SLC22A16: variants seen among roughly 807,000 people sequenced by gnomAD.
The protein encoded by SLC22A16 is solute carrier family 22 member 16.
Under a neutral mutation model 52.9 loss-of-function variants are expected in SLC22A16, and 53 were observed. The observed-to-expected ratio is 1.00, with a 90% CI of 0.80 to 1.26. SLC22A16 has a LOEUF of 1.26. SLC22A16 is among the 50% of genes most tolerant of loss of function. SLC22A16 has a pLI of 0.00. For synonymous variants in SLC22A16, 291 were observed against 268.8 expected (o/e 1.08, Z -0.81); for missense variants, 726 against 704.0 (o/e 1.03, Z -0.35).
intron 4 of SLC22A16, among the ~76,000 whole-genome samples, chr6:110,439,493 T>C (rs74700582): frequency 0.013 from 2,036 of 151,656 alleles, 36 homozygotes; most frequent in African/African-American, 0.048. Context: ...TTAGTTTGCT[T>C]CAAAAAAAAG....
chr6:110,450,300 C>T (rs184162071), intron 2 of SLC22A16, among the ~76,000 whole-genome samples: 32 of 152,192 alleles, frequency 2.1e-4, no homozygotes, highest in South Asian at 1.0e-3. Context: ...TCCATAAATG[C>T]GAGTTTTTAT....
At chr6:110,438,889 A>C in intron 4 of SLC22A16, 42 bp from the exon 5 acceptor site, 1 of 1,608,216 alleles carries the variant, frequency 6.2e-7, no homozygotes, top group Non-Finnish European at 8.5e-7. Context: ...TAGGTACCCG[A>C]CTGCAAAAGG....
intron 4 of SLC22A16, among the ~76,000 whole-genome samples, chr6:110,441,390 T>A (rs997855086): frequency 1.3e-5 from 2 of 152,138 alleles, no homozygotes; most frequent in African/African-American, 4.8e-5. Context: ...GGGATCAAGA[T>A]CCTGAAGGAT....
At chr6:110,436,531 C>T (rs1774738227) in intron 5 of SLC22A16, among the ~76,000 whole-genome samples, 1 of 152,086 alleles carries the variant, frequency 6.6e-6, no homozygotes, top group Non-Finnish European at 1.5e-5. Context: ...GAAGCTAAGG[C>T]AGGAGGATCA....
At chr6:110,453,866 T>C (rs902512827) in intron 2 of SLC22A16, among the ~76,000 whole-genome samples, 6 of 152,142 alleles carry the variant, frequency 3.9e-5, no homozygotes, top group Non-Finnish European at 8.8e-5. Flanking sequence ...TCATGCTACA[T>C]TACAACATGG....
Position 110,435,840 on chromosome 6 carries a change from A to G in SLC22A16, c.1421+12T>C, listed in dbSNP as rs1774702437. ...ATAATAGGAAAACAACCAGAAAACA[A>G]TTCATCCTTACCTTACAATGGTTGG... is the stretch of plus-strand genomic sequence containing the variant. On this transcript the variant is annotated intron_variant, in intron 6 of 7. Transcript: ENST00000368919. 2 of 1,558,434 alleles carry G rather than the reference A, an allele frequency of 1.3e-6. No homozygotes were observed. The highest frequency in any genetic ancestry group is 2.4e-5 in the South Asian group (2 of 84,228).
intron 1 of SLC22A16, among the ~76,000 whole-genome samples, chr6:110,462,864 G>A (rs772887915): frequency 1.3e-5 from 2 of 151,990 alleles, no homozygotes; most frequent in African/African-American, 2.4e-5. Context: ...AATCTTAAAG[G>A]CATCTGGAGA....
intron 2 of SLC22A16, among the ~76,000 whole-genome samples, chr6:110,450,914 C>T (rs1775354331): frequency 6.6e-6 from 1 of 152,154 alleles, no homozygotes; most frequent in Non-Finnish European, 1.5e-5. Context: ...TAGGAGGAAA[C>T]ATTTTTCTAA....
chr6:110,434,892 T>C (rs1774661980), intron 6 of SLC22A16, among the ~76,000 whole-genome samples: 1 of 151,978 alleles, frequency 6.6e-6, no homozygotes, highest in South Asian at 2.1e-4. Flanking sequence ...GCAAGAGAAT[T>C]GCTTGAACCC....
chr6:110,463,515 A>C (rs957408180), intron 1 of SLC22A16, among the ~76,000 whole-genome samples: 1 of 3,162 alleles, frequency 3.2e-4, no homozygotes, highest in African/African-American at 1.6e-3. Flanking sequence ...TAACAACAGT[A>C]AAAAAAAAAA....
chr6:110,456,359 G>A (rs1220388414), intron 2 of SLC22A16, 179 bp downstream of exon 2: 1 of 849,138 alleles, frequency 1.2e-6, no homozygotes, highest in Non-Finnish European at 1.8e-6. Flanking sequence ...TAGGTATACT[G>A]TCTTCAGAGC....
intron 2 of SLC22A16, among the ~76,000 whole-genome samples, chr6:110,452,262 A>G (rs929656285): frequency 2.6e-5 from 4 of 152,196 alleles, no homozygotes; most frequent in Admixed American, 6.5e-5. Flanking sequence ...TAAAATTTAT[A>G]TATTTGTTAC....
chr6:110,435,739 G>A, intron 6 of SLC22A16, 113 bp downstream of exon 6: 1 of 700,628 alleles, frequency 1.4e-6, no homozygotes, highest in Non-Finnish European at 2.4e-6. Context: ...CCATCTCAGA[G>A]ATCCAGGTAA....
At chr6:110,460,152 C>A (rs1358956107) in intron 1 of SLC22A16, among the ~76,000 whole-genome samples, 1 of 152,174 alleles carries the variant, frequency 6.6e-6, no homozygotes, top group African/African-American at 2.4e-5. Flanking sequence ...TCTTCCTTTG[C>A]AGACCTGCCC....
At chr6:110,475,943 C>A in intron 1 of SLC22A16, 1 of 456,602 alleles carries the variant, frequency 2.2e-6, no homozygotes, top group South Asian at 1.5e-5. Context: ...TGAACACCTC[C>A]TTTGCAGGGT....
chr6:110,430,394 G>A (rs1004904636), intron 7 of SLC22A16, among the ~76,000 whole-genome samples: 1 of 151,850 alleles, frequency 6.6e-6, no homozygotes, highest in African/African-American at 2.4e-5. Context: ...AGGATGAGAG[G>A]TGATGCATGC....
intron 1 of SLC22A16, among the ~76,000 whole-genome samples, chr6:110,463,514 T>TAAAAAAAAAAAAAATA (rs1775960874): frequency 1.9e-5 from 1 of 53,270 alleles, no homozygotes; most frequent in African/African-American, 7.8e-5. Context: ...GTAACAACAG[T>TAAAAAAAAAAAAAATA]AAAAAAAAAA....
At chr6:110,474,413 A>G (rs1443781561) in intron 1 of SLC22A16, among the ~76,000 whole-genome samples, 2 of 152,234 alleles carry the variant, frequency 1.3e-5, no homozygotes, top group Non-Finnish European at 2.9e-5. Flanking sequence ...GATACCAATT[A>G]GAACAAATAC....
rs1490388007 is a variant in SLC22A16, at chr6:110,454,660, TATATA to T, written c.533+1873_533+1877del. 7.8e-4 allele frequency among the ~76,000 whole-genome samples: 36 copies of T among 46,370 alleles called. 6 individuals carry two copies. The highest frequency in any genetic ancestry group is 5.2e-3 in the African/African-American group (34 of 6,550). The allele number at this position is 46,370 out of a possible 152,430, so 30.4% of individuals were successfully genotyped here. Reference sequence around the variant, plus strand: ...TATATTATATATTTTATATATATTATATATATTTATATATATTATATATTTTATAT... The same window carrying T: ...TATATTATATATTTTATATATATTATTTTATATATATTATATATTTTATAT... On this transcript the variant is annotated intron_variant, in intron 2 of 7. Transcript: ENST00000368919.
Sources: gnomAD v4.1 joint callset for allele counts (sites outside exome capture counted in the v4.1 genomes callset) on GRCh38, gnomAD v4.1.1 for gene constraint, MANE v1.5 for transcripts, NCBI Gene and HGNC (gene_info 2026-07-23, HGNC 2026-07-21) for gene names.